LDLRAD4: variants seen among roughly 807,000 people sequenced by gnomAD.
The protein encoded by LDLRAD4 is low-density lipoprotein receptor class A domain-containing protein 4.
In LDLRAD4, 5 loss-of-function variants were observed where a neutral mutation model predicts 17.0. The observed-to-expected ratio is 0.29, with a 90% CI of 0.15 to 0.62. LDLRAD4 has a LOEUF of 0.62. LDLRAD4 is among the 20% of genes least tolerant of loss of function. The pLI, the probability that LDLRAD4 is intolerant of heterozygous loss-of-function variation, is 0.84. For missense variants in LDLRAD4, 340 were observed against 424.7 expected, an observed-to-expected ratio of 0.80 and a Z score of 1.75; for synonymous variants, 168 against 171.8, an observed-to-expected ratio of 0.98 and a Z score of 0.17.
intron 1 of LDLRAD4, among the ~76,000 whole-genome samples, chr18:13,302,651 GA>G (rs1253761025): frequency 6.6e-6 from 1 of 152,208 alleles, no homozygotes; most frequent in African/African-American, 2.4e-5. Flanking sequence ...GCCCTGGTGA[GA>G]AGGTTCCTGG....
intron 1 of LDLRAD4, among the ~76,000 whole-genome samples, chr18:13,280,363 AT>A (rs1321687882): frequency 6.6e-6 from 1 of 152,218 alleles, no homozygotes; most frequent in Non-Finnish European, 1.5e-5. Flanking sequence ...ATCTCATGGA[AT>A]TACTTTGAAG....
rs62097315 is a variant in LDLRAD4, at chr18:13,262,129, C to T, written c.-466-15976C>T. Among the ~76,000 whole-genome samples, 65 of 87,324 alleles carry T rather than the reference C, an allele frequency of 7.4e-4. No homozygotes were observed. The East Asian group carries it at 8.4e-3, about 11-fold the overall frequency. 57.3% of individuals were successfully genotyped at this position (87,324 alleles called of 152,430 possible). A position where few individuals can be genotyped will look rare whatever the true frequency, so the allele number is the denominator to read the frequency against. On this transcript the variant is annotated intron_variant, in intron 1 of 5. Transcript: ENST00000399848. Reference sequence around the variant, plus strand: ...AAACTGAGTCCCGTGCAGCTCTGTGCGTGGAAACTGAGTCCCGTGCGGCTC... The same window carrying T: ...AAACTGAGTCCCGTGCAGCTCTGTGTGTGGAAACTGAGTCCCGTGCGGCTC...
At chr18:13,383,836 A>G (rs1405494494) in intron 1 of LDLRAD4, among the ~76,000 whole-genome samples, 1 of 152,132 alleles carries the variant, frequency 6.6e-6, no homozygotes, top group Admixed American at 6.5e-5. Flanking sequence ...ACTGAGCAGA[A>G]CGAAGCTTGC....
rs77827740 is a variant in LDLRAD4, at chr18:13,574,686, G to A, written c.182-46431G>A. ...CTCTACCTCTCTCAGTTGGCCCTCC[G>A]AAATGCCTCAATTTAGGAGTGGTGC... On this transcript the variant is annotated intron_variant, in intron 3 of 5. Transcript: ENST00000359446. 4.9e-3 allele frequency among the ~76,000 whole-genome samples: 744 copies of A among 152,296 alleles called. 7 individuals are homozygous for A. The highest frequency in any genetic ancestry group is 0.016 in the African/African-American group (657 of 41,536).
intron 1 of LDLRAD4, among the ~76,000 whole-genome samples, chr18:13,331,522 C>CCT: frequency 6.6e-6 from 1 of 152,316 alleles, no homozygotes; most frequent in African/African-American, 2.4e-5. Context: ...TCCAGTGCAG[C>CCT]GTTAAAATAC....
At chr18:13,261,940 G>A (rs2043838779) in intron 1 of LDLRAD4, among the ~76,000 whole-genome samples, 1 of 151,960 alleles carries the variant, frequency 6.6e-6, no homozygotes, top group Non-Finnish European at 1.5e-5. Context: ...GCACATGTGC[G>A]GCTCTGTGTG....
At chr18:13,630,293 G>C (rs773694521) in intron 4 of LDLRAD4, among the ~76,000 whole-genome samples, 1 of 152,216 alleles carries the variant, frequency 6.6e-6, no homozygotes, top group Non-Finnish European at 1.5e-5. Flanking sequence ...GAGGAAGAAA[G>C]GGGGAGGTGC....
At chr18:13,601,669 A>G (rs2095164690) in intron 3 of LDLRAD4, among the ~76,000 whole-genome samples, 1 of 142,674 alleles carries the variant, frequency 7.0e-6, no homozygotes, top group African/African-American at 2.9e-5. Context: ...AAAAAAAAGA[A>G]AAAAAAAGGA....
rs529413855 is a variant in LDLRAD4 at position 13,480,263 on chromosome 18, T to C, written c.181+41879T>C. On this transcript the variant is annotated intron_variant, in intron 3 of 5. Coordinates refer to ENST00000359446, the Ensembl canonical transcript of LDLRAD4. ...AAATGTGCTTTTTCTTTTCAAGCTA[T>C]GAAAAGACATGGAGGAAACTTAAAT... 4.4e-4 allele frequency among the ~76,000 whole-genome samples: 67 copies of C among 152,296 alleles called. No individual in the cohort carries two copies. In the Middle Eastern group the frequency reaches 0.02, roughly 46 times the overall value.
In LDLRAD4 at chr18:13,650,446, A is replaced by T. The variant is rs190585846; in HGVS notation, c.*4789A>T. 6.0e-4 allele frequency: 240 copies of T among 398,266 alleles called. 3 individuals are homozygous for T. The highest frequency in any genetic ancestry group is 7.1e-5 in the Non-Finnish European group (16 of 226,054). The allele number at this position is 398,266 out of a possible 1,614,324, so 24.7% of individuals were successfully genotyped here. A position where few individuals can be genotyped will look rare whatever the true frequency, so the allele number is the denominator to read the frequency against. On this transcript the variant is annotated 3_prime_UTR_variant, in exon 6 of 6. Coordinates refer to ENST00000359446, the Ensembl canonical transcript of LDLRAD4. ...TATACACTATCCGTGCACATTATAT[A>T]TATGTAGATATACCCCTATCATGTC...
At chr18:13,604,311 C>T (rs967548993) in intron 3 of LDLRAD4, among the ~76,000 whole-genome samples, 5 of 152,190 alleles carry the variant, frequency 3.3e-5, no homozygotes, top group East Asian at 1.9e-4. Context: ...CAGTATGTGC[C>T]GCTTAGGACG....
At chr18:13,377,976 T>A (rs1054673174) in intron 1 of LDLRAD4, among the ~76,000 whole-genome samples, 5 of 152,228 alleles carry the variant, frequency 3.3e-5, no homozygotes, top group Non-Finnish European at 7.3e-5. Context: ...ATTCCTCAGA[T>A]AATGAATGTG....
chr18:13,252,980 C>A (rs1437650551), intron 1 of LDLRAD4, among the ~76,000 whole-genome samples: 1 of 152,212 alleles, frequency 6.6e-6, no homozygotes, highest in Non-Finnish European at 1.5e-5. Flanking sequence ...TGGCATGAGA[C>A]AGGTGAGTGC....
intron 3 of LDLRAD4, among the ~76,000 whole-genome samples, chr18:13,546,543 A>AT (rs1488548544): frequency 6.6e-6 from 1 of 151,056 alleles, no homozygotes; most frequent in African/African-American, 2.4e-5. Context: ...TAATTTTTGC[A>AT]TTTTTTGTAG....
chr18:13,320,959 G>A (rs1048326819), intron 1 of LDLRAD4, among the ~76,000 whole-genome samples: 35 of 152,312 alleles, frequency 2.3e-4, no homozygotes, highest in Admixed American at 6.5e-4. Context: ...TCTGCAGGTG[G>A]GGAAAAGTAA....
chr18:13,559,664 C>T (rs2094519894), intron 3 of LDLRAD4, among the ~76,000 whole-genome samples: 1 of 151,914 alleles, frequency 6.6e-6, no homozygotes, highest in Admixed American at 6.6e-5. Context: ...TATATATATA[C>T]ATGTAAGCTA....
intron 3 of LDLRAD4, among the ~76,000 whole-genome samples, chr18:13,563,943 TC>T: frequency 6.9e-6 from 1 of 145,514 alleles, no homozygotes; most frequent in Non-Finnish European, 1.5e-5. Flanking sequence ...TCTCTCTCTC[TC>T]ACCTAAACTG....
intron 1 of LDLRAD4, among the ~76,000 whole-genome samples, chr18:13,378,473 A>C (rs1257655285): frequency 6.6e-6 from 1 of 152,244 alleles, no homozygotes; most frequent in Non-Finnish European, 1.5e-5. Context: ...AACAAACCAC[A>C]CAAGAAAAGA....
At chr18:13,439,055 G>A (rs1235457105) in intron 3 of LDLRAD4, among the ~76,000 whole-genome samples, 1 of 152,172 alleles carries the variant, frequency 6.6e-6, no homozygotes, top group Non-Finnish European at 1.5e-5. Context: ...AAGTGAAGGG[G>A]GTTGAGGCTG....
Sources: gnomAD v4.1 joint callset for allele counts (sites outside exome capture counted in the v4.1 genomes callset) on GRCh38, gnomAD v4.1.1 for gene constraint, MANE v1.5 for transcripts, NCBI Gene and HGNC (gene_info 2026-07-23, HGNC 2026-07-21) for gene names.